LARGE1: variants seen among roughly 807,000 people sequenced by gnomAD.
The protein encoded by LARGE1 is LARGE xylosyl- and glucuronyltransferase 1, also known as xylosyl- and glucuronyltransferase LARGE1.
LARGE1 carries 43 observed loss-of-function variants against 87.6 expected under a neutral mutation model. The ratio of observed to expected loss-of-function variants is 0.49; its 90% CI spans 0.38 to 0.63. The LOEUF (loss-of-function observed/expected upper bound fraction) is 0.63, where lower values mean the gene tolerates loss of function less well. Among genes scored for constraint, LARGE1 ranks in the 30% least tolerant of loss-of-function variants. LARGE1 has a pLI of 0.00. For missense variants in LARGE1, 802 were observed against 1,000.2 expected, an observed-to-expected ratio of 0.80 and a Z score of 2.67; for synonymous variants, 434 against 394.6, an observed-to-expected ratio of 1.10 and a Z score of -1.18.
intron 1 of LARGE1, among the ~76,000 whole-genome samples, chr22:33,899,887 T>C (rs1231459671): frequency 6.6e-6 from 1 of 152,240 alleles, no homozygotes; most frequent in African/African-American, 2.4e-5. Flanking sequence ...TGTACAATGC[T>C]GTAAGTAAAT....
intron 1 of LARGE1, among the ~76,000 whole-genome samples, chr22:33,870,644 C>T (rs1239230205): frequency 1.3e-5 from 2 of 152,172 alleles, no homozygotes; most frequent in Non-Finnish European, 2.9e-5. Flanking sequence ...TCTCGGCTCA[C>T]TGCAACCTCT....
At chr22:33,742,791 T>A (rs988299409) in intron 2 of LARGE1, among the ~76,000 whole-genome samples, 7 of 152,226 alleles carry the variant, frequency 4.6e-5, no homozygotes, top group South Asian at 2.1e-4. Flanking sequence ...TGTCTTTTTT[T>A]AATTTTCCTA....
At chr22:33,455,364 T>A (rs956054563) in intron 6 of LARGE1, among the ~76,000 whole-genome samples, 1 of 152,184 alleles carries the variant, frequency 6.6e-6, no homozygotes, top group Admixed American at 6.5e-5. Context: ...GTTCTTACCA[T>A]TGAGAACTCT....
At chr22:33,183,620 G>GCACACACACACACACACA (rs56262703) in intron 11 of LARGE1, among the ~76,000 whole-genome samples, 16 of 137,918 alleles carry the variant, frequency 1.2e-4, no homozygotes, top group African/African-American at 4.1e-4. Context: ...ACACACACAC[G>GCACACACACACACACACA]CACACACACA....
chr22:33,170,896 G>T (rs1922534673), intron 11 of LARGE1, among the ~76,000 whole-genome samples: 2 of 152,164 alleles, frequency 1.3e-5, no homozygotes, highest in African/African-American at 4.8e-5. Flanking sequence ...ACAGTTAGGA[G>T]GGCTCAGAAG....
At chr22:33,875,615 G>GCCATGTC (rs1391381337) in intron 1 of LARGE1, among the ~76,000 whole-genome samples, 2 of 152,242 alleles carry the variant, frequency 1.3e-5, no homozygotes, top group African/African-American at 4.8e-5. Context: ...AGCAGCCCCA[G>GCCATGTC]CCATGTCCCA....
intron 6 of LARGE1, among the ~76,000 whole-genome samples, chr22:33,500,327 T>C (rs895224273): frequency 6.6e-6 from 1 of 152,170 alleles, no homozygotes; most frequent in African/African-American, 2.4e-5. Flanking sequence ...CTTTGGAACA[T>C]CTTCAGGCAG....
In LARGE1 at chr22:33,324,519, T is replaced by C. The variant is rs1016888274; in HGVS notation, c.1288-8271A>G. On this transcript the variant is annotated intron_variant, in intron 10 of 14. Transcript: ENST00000397394. ...AAGACAGATTTCTCCTGAGATAAAA[T>C]GCATTTGCTAAACTGCTTCTTTGGG... 3.9e-5 allele frequency among the ~76,000 whole-genome samples: 6 copies of C among 152,236 alleles called. No individual in the cohort carries two copies. In the South Asian group the frequency reaches 1.2e-3, roughly 32 times the overall value.
intron 11 of LARGE1, among the ~76,000 whole-genome samples, chr22:33,196,434 C>T (rs538743508): frequency 6.6e-6 from 1 of 152,058 alleles, no homozygotes; most frequent in South Asian, 2.1e-4. Flanking sequence ...AAGCAATTAG[C>T]TAAAACAATG....
At chr22:33,337,524 C>T (rs773108987) in intron 10 of LARGE1, 122 bp downstream of exon 10, 40 of 1,161,038 alleles carry the variant, frequency 3.4e-5, no homozygotes, top group South Asian at 2.1e-4. Flanking sequence ...CCCTGGGCAC[C>T]GATGGCGTTG....
chr22:33,281,610 C>T (rs1180321347), intron 13 of LARGE1, among the ~76,000 whole-genome samples: 2 of 152,166 alleles, frequency 1.3e-5, no homozygotes, highest in Non-Finnish European at 2.9e-5. Flanking sequence ...TATGTAATCA[C>T]GGTGCCTGGC....
chr22:33,777,281 T>G (rs1601591933), intron 1 of LARGE1, among the ~76,000 whole-genome samples: 1 of 152,076 alleles, frequency 6.6e-6, no homozygotes, highest in South Asian at 2.1e-4. Context: ...AATCTGAACT[T>G]CCTTCCACAG....
intron 11 of LARGE1, among the ~76,000 whole-genome samples, chr22:33,229,810 T>C (rs1181462132): frequency 6.6e-6 from 1 of 151,770 alleles, no homozygotes; most frequent in African/African-American, 2.4e-5. Flanking sequence ...GAAGAATAAA[T>C]TAAAAACCAA....
At chr22:33,180,339 C>G (rs937069370) in intron 11 of LARGE1, among the ~76,000 whole-genome samples, 1 of 152,156 alleles carries the variant, frequency 6.6e-6, no homozygotes, top group Non-Finnish European at 1.5e-5. Flanking sequence ...ACATCATTAG[C>G]TATAGGAAAA....
intron 9 of LARGE1, among the ~76,000 whole-genome samples, chr22:33,377,467 C>T (rs1339087200): frequency 6.6e-6 from 1 of 152,174 alleles, no homozygotes; most frequent in Non-Finnish European, 1.5e-5. Flanking sequence ...TTTGCTATGG[C>T]ATGTATATTC....
Position 33,715,783 on chromosome 22 carries a change from C to T in LARGE1, c.106+45588G>A, listed in dbSNP as rs578093103. On this transcript the variant is annotated intron_variant, in intron 2 of 14. Transcript: ENST00000397394. The stretch of plus-strand genomic sequence containing the variant: ...CCCCCAGTTGCAACTGCAGTGGCAT[C>T]GCACAGGCTAGGCTAAAGTTGTCAC... 2.6e-5 allele frequency among the ~76,000 whole-genome samples: 4 copies of T among 152,272 alleles called. No homozygotes were observed. The South Asian group carries it at 8.3e-4, about 32-fold the overall frequency.
rs1410099425 is a variant in LARGE1 at position 33,462,395 on chromosome 22, T to TCAGGAGGAAGGAAAATAATCC, written c.788-30151_788-30131dup. Reference sequence around the variant, plus strand: ...GAAGGGAAATTTTAAAAGATATACTTCAGGAGGAAGGAAAATAATCCCAGA... The same window carrying TCAGGAGGAAGGAAAATAATCC: ...GAAGGGAAATTTTAAAAGATATACTTCAGGAGGAAGGAAAATAATCCCAGGAGGAAGGAAAATAATCCCAGA... On this transcript the variant is annotated intron_variant, in intron 6 of 14. Coordinates refer to ENST00000397394, the MANE Select transcript of LARGE1 (RefSeq NM_133642.5). Among the ~76,000 whole-genome samples, 3 of 152,138 alleles carry TCAGGAGGAAGGAAAATAATCC rather than the reference T, an allele frequency of 2.0e-5. No homozygotes were observed. In the East Asian group the frequency reaches 5.8e-4, roughly 29 times the overall value.
chr22:33,167,066 T>G (rs1922315890), intron 11 of LARGE1, among the ~76,000 whole-genome samples: 1 of 152,220 alleles, frequency 6.6e-6, no homozygotes, highest in African/African-American at 2.4e-5. Context: ...CAGTAAAGAT[T>G]AATAATCCAT....
the LARGE1 span, among the ~76,000 whole-genome samples, chr22:33,081,194 A>C: frequency 6.6e-6 from 1 of 152,246 alleles, no homozygotes; most frequent in Non-Finnish European, 1.5e-5. Flanking sequence ...GAACTGAATT[A>C]GCTGGCACCT....
Sources: gnomAD v4.1 joint callset for allele counts (sites outside exome capture counted in the v4.1 genomes callset) on GRCh38, gnomAD v4.1.1 for gene constraint, MANE v1.5 for transcripts, NCBI Gene and HGNC (gene_info 2026-07-23, HGNC 2026-07-21) for gene names.